AVEN: variants seen among roughly 807,000 people sequenced by gnomAD.
AVEN encodes cell death regulator Aven.
A neutral mutation model predicts 38.1 loss-of-function variants in AVEN; 41 were observed. The observed-to-expected ratio is 1.08, with a 90% confidence interval of 0.84 to 1.40. The LOEUF is 1.40. Among genes scored for constraint, AVEN ranks in the 40% most tolerant of loss-of-function variants. The probability of loss-of-function intolerance (pLI) is 0.00; values close to 1 mark genes in which losing one functional copy is unlikely to be tolerated. For synonymous variants in AVEN, 206 were observed against 171.8 expected, an observed-to-expected ratio of 1.20 and a Z score of -1.56; for missense variants, 605 against 438.8, an observed-to-expected ratio of 1.38 and a Z score of -3.38.
intron 2 of AVEN, among the ~76,000 whole-genome samples, chr15:33,882,532 C>G (rs1891530796): frequency 1.4e-5 from 2 of 145,388 alleles, no homozygotes; most frequent in African/African-American, 5.1e-5. Flanking sequence ...ATTTTTAAAT[C>G]AAATAATTGT....
At chr15:33,984,571 T>G (rs1351031246) in intron 2 of AVEN, among the ~76,000 whole-genome samples, 1 of 152,022 alleles carries the variant, frequency 6.6e-6, no homozygotes, top group Non-Finnish European at 1.5e-5. Context: ...CCCGGCTAAT[T>G]TTGTATTTTC....
intron 2 of AVEN, among the ~76,000 whole-genome samples, chr15:33,988,677 G>A (rs1746369086): frequency 6.6e-6 from 1 of 152,186 alleles, no homozygotes; most frequent in South Asian, 2.1e-4. Context: ...GACACTGGGT[G>A]TGCTCACTTA....
downstream of AVEN, chr15:33,865,437 C>T (rs184711602): frequency 1.5e-4 from 72 of 495,578 alleles, no homozygotes; most frequent in African/African-American, 1.0e-3. Context: ...GTCAAAATGT[C>T]GAAGAAGGAA....
intron 2 of AVEN, among the ~76,000 whole-genome samples, chr15:33,955,229 GGAACT>G (rs1372242168): frequency 9.2e-5 from 14 of 151,864 alleles, no homozygotes; most frequent in African/African-American, 3.4e-4. Context: ...AGTGACTCAA[GGAACT>G]ATTGAAATAT....
intron 3 of AVEN, among the ~76,000 whole-genome samples, chr15:33,871,959 A>C (rs924406984): frequency 6.6e-6 from 1 of 152,234 alleles, no homozygotes; most frequent in Non-Finnish European, 1.5e-5. Context: ...AGCATTTTGT[A>C]CATGTTTTAA....
At chr15:33,992,451 AG>A (rs552490975) in intron 2 of AVEN, among the ~76,000 whole-genome samples, 44 of 152,268 alleles carry the variant, frequency 2.9e-4, no homozygotes, top group South Asian at 8.3e-4. Context: ...TACAAGGAAA[AG>A]TTTTTTTGTT....
intron 1 of AVEN, among the ~76,000 whole-genome samples, chr15:34,010,437 A>G (rs1366824780): frequency 1.3e-5 from 2 of 152,216 alleles, no homozygotes; most frequent in African/African-American, 4.8e-5. Context: ...CTAATAACAT[A>G]TAACAACCAG....
At chr15:33,962,671 T>C (rs1895233278) in intron 2 of AVEN, among the ~76,000 whole-genome samples, 1 of 40,896 alleles carries the variant, frequency 2.4e-5, no homozygotes, top group Non-Finnish European at 2.4e-4. Flanking sequence ...TTTCCCTGCA[T>C]AATATCTGTC....
intron 2 of AVEN, among the ~76,000 whole-genome samples, chr15:33,939,172 T>G (rs1894216581): frequency 6.6e-6 from 1 of 152,202 alleles, no homozygotes. Context: ...ACTGCCATTC[T>G]ACCAGTCACT....
rs751991803 is a variant in AVEN at position 34,063,344 on chromosome 15, G to GA, written n.1214dup. The GA allele has an allele frequency of 6.2e-7, 1 of 1,614,136 alleles. No individual in the cohort carries two copies. Among genetic ancestry groups the GA allele is most frequent in the Non-Finnish European group, 8.5e-7 (1 of 1,180,042 alleles). On this transcript the variant is annotated non_coding_transcript_exon_variant, in exon 5 of 12. Coordinates refer to the AVEN transcript ENST00000675287. This position sits in a 1 kb window ranked among gnomAD's most constrained non-coding sequence, Gnocchi z 4.1. ...CCTTCTACATCCCTGTTTCTGTCAT[G>GA]ACCATCCTCTACTGTCGAATCTACC... is the stretch of plus-strand genomic sequence containing the variant.
intron 1 of AVEN, among the ~76,000 whole-genome samples, chr15:34,027,584 C>A (rs1380256326): frequency 6.7e-6 from 1 of 149,856 alleles, no homozygotes; most frequent in African/African-American, 2.4e-5. Context: ...ACTGTGAAAA[C>A]CAGCATCCTT....
intron 2 of AVEN, among the ~76,000 whole-genome samples, chr15:33,987,671 G>C (rs1055095377): frequency 6.6e-6 from 1 of 152,182 alleles, no homozygotes; most frequent in Non-Finnish European, 1.5e-5. Context: ...GCATCTGCAG[G>C]CCTCCTCTAT....
intron 5 of AVEN, 64 bp from the exon 6 acceptor site, chr15:33,866,792 C>G: frequency 8.5e-7 from 1 of 1,177,410 alleles, no homozygotes; most frequent in Non-Finnish European, 1.3e-6. Flanking sequence ...TATAATTCAG[C>G]CCAATTTATT....
At chr15:33,896,464 T>A (rs1018855402) in intron 2 of AVEN, among the ~76,000 whole-genome samples, 5 of 152,308 alleles carry the variant, frequency 3.3e-5, no homozygotes, top group Middle Eastern at 6.8e-3. Flanking sequence ...TTTCTTGCAT[T>A]CATGTTAATT....
chr15:33,956,447 T>C (rs1394399834), intron 2 of AVEN, among the ~76,000 whole-genome samples: 3 of 152,252 alleles, frequency 2.0e-5, no homozygotes, highest in Admixed American at 1.3e-4. Context: ...GCATTGAGCA[T>C]CTTTTCACAT....
At chr15:33,916,728 A>G (rs1373369494) in intron 2 of AVEN, among the ~76,000 whole-genome samples, 2 of 152,174 alleles carry the variant, frequency 1.3e-5, no homozygotes, top group African/African-American at 2.4e-5. Flanking sequence ...ACACTTTTAC[A>G]CTGCTGGTGT....
intron 3 of AVEN, among the ~76,000 whole-genome samples, chr15:33,872,210 T>G (rs1290973351): frequency 6.6e-6 from 1 of 152,218 alleles, no homozygotes; most frequent in African/African-American, 2.4e-5. Flanking sequence ...GTCCCACTTC[T>G]CTGCCATCAG....
Position 34,063,414 on chromosome 15 carries a change from T to G in AVEN, n.1145A>C. 2.5e-6 allele frequency: 4 copies of G among 1,613,998 alleles called. No homozygotes were observed. Among genetic ancestry groups the G allele is most frequent in the Non-Finnish European group, 3.4e-6 (4 of 1,180,042 alleles). ...CAAGGACCTGGCTGACCTCCAGGGT[T>G]CTGACTCTGTGACCAAAGCTGAGAA... On this transcript the variant is annotated non_coding_transcript_exon_variant, in exon 5 of 12. Transcript: ENST00000675287. This position sits in a 1 kb window ranked among gnomAD's most constrained non-coding sequence, Gnocchi z 4.1.
chr15:33,871,437 T>G (rs754538679), intron 3 of AVEN, among the ~76,000 whole-genome samples: 5 of 152,012 alleles, frequency 3.3e-5, no homozygotes, highest in Non-Finnish European at 4.4e-5. Context: ...GTATGGTGGC[T>G]GATGCCTGTA....
Sources: allele counts gnomAD v4.1 joint callset (sites outside exome capture counted in the v4.1 genomes callset), GRCh38; gene constraint gnomAD v4.1.1; non-coding constraint Gnocchi (gnomAD v3.1); transcripts MANE v1.5; gene names NCBI Gene and HGNC (gene_info 2026-07-23, HGNC 2026-07-21).